The following ANKMY1 variants were observed in gnomAD, a reference collection of about 807,000 sequenced individuals.
The protein encoded by ANKMY1 is ankyrin repeat and MYND domain-containing protein 1.
Under a neutral mutation model 102.0 loss-of-function variants are expected in ANKMY1, and 98 were observed. The ratio of observed to expected loss-of-function variants is 0.96; its 90% confidence interval spans 0.82 to 1.14. The LOEUF (loss-of-function observed/expected upper bound fraction) is 1.14. Ranked by LOEUF, ANKMY1 falls within the 50% of genes most tolerant of loss-of-function variation. The pLI, the probability that ANKMY1 is intolerant of heterozygous loss-of-function variation, is 0.00. For missense variants in ANKMY1, 1,330 were observed against 1,347.6 expected (o/e 0.99, Z 0.20); for synonymous variants, 582 against 559.9 (o/e 1.04, Z -0.56).
chr2:240,498,650 T>C (rs1004381642), intron 15 of ANKMY1, among the ~76,000 whole-genome samples: 1 of 152,014 alleles, frequency 6.6e-6, no homozygotes, highest in African/African-American at 2.4e-5. Context: ...GCATGCCATG[T>C]AGTTTGGATG....
At chr2:240,554,576 C>A in intron 3 of ANKMY1, 1 of 354,026 alleles carries the variant, frequency 2.8e-6, no homozygotes, top group Non-Finnish European at 5.2e-6. Context: ...GGTAAATATA[C>A]GAGTTGCTAT....
At chr2:240,560,013 T>G (rs2092808766), upstream of ANKMY1, 1 of 152,396 alleles carries the variant, frequency 6.6e-6, no homozygotes. Flanking sequence ...GTTACAATGC[T>G]GACCCCAATA....
intron 17 of ANKMY1, among the ~76,000 whole-genome samples, chr2:240,479,909 C>T (rs1028215293): frequency 6.6e-6 from 1 of 152,120 alleles, no homozygotes; most frequent in Non-Finnish European, 1.5e-5. Context: ...ACCGAGGGCG[C>T]CTGTTATTAA....
At chr2:240,522,222 T>C (rs2082452001) in intron 8 of ANKMY1, 1 of 152,202 alleles carries the variant, frequency 6.6e-6, no homozygotes, top group South Asian at 2.1e-4. Flanking sequence ...TACAATCCTT[T>C]AGCTAGACAC....
At chr2:240,528,978 G>A (rs2084576487) in intron 5 of ANKMY1, 59 bp downstream of exon 5, 2 of 1,533,432 alleles carry the variant, frequency 1.3e-6, no homozygotes, top group African/African-American at 1.4e-5. Flanking sequence ...TCAGGAACCT[G>A]CCTAGGGCAG....
chr2:240,471,202 T>C, the ANKMY1 span, among the ~76,000 whole-genome samples: 1 of 151,162 alleles, frequency 6.6e-6, no homozygotes, highest in African/African-American at 2.4e-5. Flanking sequence ...TTGTCCACAG[T>C]GAGGAAGTGA....
chr2:240,512,777 C>A (rs375022554), intron 10 of ANKMY1, 25 bp downstream of exon 10: 2 of 1,604,880 alleles, frequency 1.2e-6, no homozygotes, highest in Non-Finnish European at 1.7e-6. Flanking sequence ...GCCCCATACC[C>A]CTATCCAGGT....
At chr2:240,518,462 C>T (rs141819369) in intron 9 of ANKMY1, among the ~76,000 whole-genome samples, 3 of 152,150 alleles carry the variant, frequency 2.0e-5, no homozygotes, top group Non-Finnish European at 2.9e-5. Context: ...CGGTTGAGGA[C>T]AGGGTTTGAG....
rs1450163315 is a variant in ANKMY1 at position 240,557,243 on chromosome 2, G to T, written c.93C>A (p.Thr31=). ...GGGACCCCGGCTCCTCGGCAGCAGGGGTCTCGCCGCCCTTCCCCTCTAGCG... is the reference window on the plus strand; with the variant it reads ...GGGACCCCGGCTCCTCGGCAGCAGGTGTCTCGCCGCCCTTCCCCTCTAGCG... ...QRPLEGKGGE[T]PAAEEPGSLK... The change falls in exon 2 of 18, where the codon ACC becomes ACA. Residue 31 remains threonine, a synonymous_variant. Coordinates refer to ENST00000401804, the MANE Select transcript of ANKMY1 (RefSeq NM_001282771.3). 1.3e-6 allele frequency: 2 copies of T among 1,594,090 alleles called. No individual in the cohort carries two copies. Among genetic ancestry groups the T allele is most frequent in the Non-Finnish European group, 1.7e-6 (2 of 1,169,670 alleles).
intron 4 of ANKMY1, among the ~76,000 whole-genome samples, chr2:240,541,289 A>C (rs2088707470): frequency 6.6e-6 from 1 of 152,180 alleles, no homozygotes; most frequent in Non-Finnish European, 1.5e-5. Flanking sequence ...GAAGCACTCC[A>C]ACTGTTTCAG....
At chr2:240,515,763 G>A (rs1276023684) in intron 9 of ANKMY1, among the ~76,000 whole-genome samples, 2 of 151,906 alleles carry the variant, frequency 1.3e-5, no homozygotes, top group Non-Finnish European at 2.9e-5. Context: ...CATTGCCCAG[G>A]CTGGAGTGCA....
intron 15 of ANKMY1, among the ~76,000 whole-genome samples, chr2:240,493,088 C>T (rs1402916820): frequency 1.3e-5 from 2 of 152,114 alleles, no homozygotes; most frequent in East Asian, 3.9e-4. Context: ...CTTTGGGAGG[C>T]TGAGGTGGGT....
At chr2:240,527,161 T>C (rs1236818715) in intron 5 of ANKMY1, 2 of 207,200 alleles carry the variant, frequency 9.7e-6, no homozygotes, top group East Asian at 3.8e-4. Context: ...GATAAGTGGG[T>C]GGGTAGATGA....
At chr2:240,560,492 A>G, upstream of ANKMY1, 1 of 847,624 alleles carries the variant, frequency 1.2e-6, no homozygotes, top group East Asian at 3.4e-5. Context: ...CCCGGCCCCA[A>G]CGAGACCCAA....
intron 5 of ANKMY1, among the ~76,000 whole-genome samples, chr2:240,528,733 G>C (rs2084500191): frequency 6.6e-6 from 1 of 152,254 alleles, no homozygotes; most frequent in Middle Eastern, 3.4e-3. Context: ...TCCCCTGGCT[G>C]CATGTTCACC....
Position 240,481,047 on chromosome 2 carries a change from C to G in ANKMY1, c.2936G>C (p.Arg979Pro). 1 of 1,613,230 alleles carries G rather than the reference C, an allele frequency of 6.2e-7. No individual in the cohort carries two copies. Among genetic ancestry groups the G allele is most frequent in the Non-Finnish European group, 8.5e-7 (1 of 1,179,544 alleles). Reference protein sequence around the residue: ...CYQCGRSIGVRLLPCPRCYGI... With the variant: ...CYQCGRSIGVPLLPCPRCYGI... ...GTAGCAGCGAGGGCAGGGCAAGAGGCGGACCCCGATGGAGCGGCCACACTG... is the reference window on the plus strand; with the variant it reads ...GTAGCAGCGAGGGCAGGGCAAGAGGGGGACCCCGATGGAGCGGCCACACTG... Residue 979 changes from arginine (R) to proline (P), a missense_variant, in exon 17 of 18, where the codon CGC (arginine) becomes CCC (proline). Transcript: ENST00000401804.
chr2:240,550,064 C>A (rs2091216803), intron 4 of ANKMY1, among the ~76,000 whole-genome samples: 1 of 151,732 alleles, frequency 6.6e-6, no homozygotes, highest in Admixed American at 6.6e-5. Context: ...GACACATGCA[C>A]ACGTATGTTT....
At chr2:240,525,657 G>T in intron 7 of ANKMY1, 28 bp downstream of exon 7, 1 of 1,609,712 alleles carries the variant, frequency 6.2e-7, no homozygotes, top group Non-Finnish European at 8.5e-7. Context: ...GAGACAGTTG[G>T]TGGTGCAGTG....
chr2:240,536,655 C>T (rs2152480672), intron 4 of ANKMY1, among the ~76,000 whole-genome samples: 1 of 152,312 alleles, frequency 6.6e-6, no homozygotes, highest in African/African-American at 2.4e-5. Context: ...TAAGATGTAT[C>T]GCATTGCCTT....
Sources: gnomAD v4.1 joint callset for allele counts (sites outside exome capture counted in the v4.1 genomes callset) on GRCh38, gnomAD v4.1.1 for gene constraint, MANE v1.5 for transcripts, NCBI Gene and HGNC (gene_info 2026-07-23, HGNC 2026-07-21) for gene names.